The following C5 variants were observed in gnomAD, a reference collection of about 807,000 sequenced individuals.
C5 encodes the protein C3 and PZP-like alpha-2-macroglobulin domain-containing protein 4.
C5 carries 140 observed loss-of-function variants against 218.8 expected under a neutral mutation model. The observed-to-expected ratio is 0.64, with a 90% CI of 0.56 to 0.74. The LOEUF (loss-of-function observed/expected upper bound fraction) is 0.74. Ranked by LOEUF, C5 falls within the 30% of genes least tolerant of loss-of-function variation. The pLI, the probability that C5 is intolerant of heterozygous loss-of-function variation, is 0.00. For missense variants in C5, 1,700 were observed against 1,969.6 expected, an observed-to-expected ratio of 0.86 and a Z score of 2.59; for synonymous variants, 614 against 682.3, an observed-to-expected ratio of 0.90 and a Z score of 1.56.
At chr9:121,021,803 A>AT (rs1278654534) in intron 10 of C5, 109 bp from the exon 11 acceptor site, 11 of 1,098,064 alleles carry the variant, frequency 1.0e-5, no homozygotes, top group Non-Finnish European at 1.5e-5. Flanking sequence ...TTATTTATGT[A>AT]TTTTTTTCTG....
intron 5 of C5, 58 bp from the exon 6 acceptor site, chr9:121,032,253 G>A: frequency 1.0e-6 from 1 of 989,656 alleles, no homozygotes; most frequent in Non-Finnish European, 1.6e-6. Flanking sequence ...AATTCACTCA[G>A]AGGAGATCTA....
At chr9:121,015,852 T>C (rs1205232236) in intron 15 of C5, among the ~76,000 whole-genome samples, 1 of 152,326 alleles carries the variant, frequency 6.6e-6, no homozygotes, top group East Asian at 1.9e-4. Flanking sequence ...TTATAAATTC[T>C]ATGTGGGGAA....
intron 1 of C5, among the ~76,000 whole-genome samples, chr9:121,047,442 C>T (rs560644664): frequency 3.6e-4 from 55 of 152,206 alleles, no homozygotes; most frequent in African/African-American, 1.3e-3. Flanking sequence ...AACTGGATTA[C>T]TAAGTGTATA....
Position 121,023,389 on chromosome 9 carries a change from C to A in C5, c.1116+15G>T. On this transcript the variant is annotated intron_variant, in intron 10 of 40. Transcript: ENST00000223642. ...TGATCATATGTAGCAACGTCTACCC[C>A]CTCACCCAATCTACCTTGATGGGAT... The A allele has an allele frequency of 1.4e-6, 2 of 1,448,128 alleles. No individual in the cohort carries two copies. The highest frequency in any genetic ancestry group is 2.3e-5 in the East Asian group (1 of 44,070). 89.7% of individuals were successfully genotyped at this position (1,448,128 alleles called of 1,614,324 possible).
intron 20 of C5, among the ~76,000 whole-genome samples, chr9:121,002,801 G>A (rs192269062): frequency 1.6e-3 from 247 of 152,156 alleles, no homozygotes; most frequent in South Asian, 6.0e-3. Context: ...TAATGTAAAG[G>A]CAACTTTACA....
the C5 span, among the ~76,000 whole-genome samples, chr9:121,061,932 G>A: frequency 6.6e-6 from 1 of 152,188 alleles, no homozygotes; most frequent in Non-Finnish European, 1.5e-5. Context: ...AAAAGAAACT[G>A]TGAATTATCC....
chr9:120,967,401 A>G (rs2131676875), intron 33 of C5, among the ~76,000 whole-genome samples: 1 of 152,240 alleles, frequency 6.6e-6, no homozygotes, highest in South Asian at 2.1e-4. Context: ...CTTCATTTCC[A>G]AAACAAGAGG....
At chr9:121,034,940 A>T (rs530961460) in intron 4 of C5, 46 bp from the exon 5 acceptor site, 9 of 943,898 alleles carry the variant, frequency 9.5e-6, no homozygotes, top group Admixed American at 3.9e-5. Flanking sequence ...ACTACATTTT[A>T]AAAAATTTAA....
At chr9:120,958,254 A>G (rs1365216535) in intron 38 of C5, among the ~76,000 whole-genome samples, 1 of 152,232 alleles carries the variant, frequency 6.6e-6, no homozygotes, top group African/African-American at 2.4e-5. Flanking sequence ...TATAATGGAC[A>G]TGGGCAATGT....
In C5 at chr9:121,008,524, A is replaced by G. The variant is rs747968431; in HGVS notation, c.2258-26T>C. 2.7e-6 allele frequency: 4 copies of G among 1,497,824 alleles called. No homozygotes were observed. The African/African-American group carries it at 4.1e-5, about 15-fold the overall frequency. The allele number at this position is 1,497,824 out of a possible 1,614,324, so 92.8% of individuals were successfully genotyped here. ...CTGGACAAAAAAATCATATTCAATT[A>G]TGGAAAAACAATATAAATTCTACTT... is the stretch of plus-strand genomic sequence containing the variant. On this transcript the variant is annotated intron_variant, in intron 17 of 40. Coordinates refer to ENST00000223642, the MANE Select transcript of C5 (RefSeq NM_001735.3).
chr9:121,019,052 G>A (rs1025364389), intron 12 of C5, among the ~76,000 whole-genome samples: 6 of 151,516 alleles, frequency 4.0e-5, no homozygotes, highest in Middle Eastern at 6.9e-3. Flanking sequence ...TTGTTTCACC[G>A]ATTAAAAAAA....
At position 120,981,938 on chromosome 9, in the gene C5, C is replaced by T. The variant is rs1208003552; in HGVS notation, c.3392G>A (p.Gly1131Asp). The change falls in exon 27 of 41, where the codon GGT (glycine) becomes GAT (aspartate). Residue 1131 changes from glycine (G) to aspartate (D), a missense_variant and splice_region_variant. Coordinates refer to ENST00000223642, the MANE Select transcript of C5 (RefSeq NM_001735.3). ...NSQYQPIKLQ[G>D]TLPVEARENS... ...CTCTCGGGCTTCAACAGGCAAGGTA[C>T]CCTAAAAAGAAGCAATGTTTTAAAA... 1 of 1,609,566 alleles carries T rather than the reference C, an allele frequency of 6.2e-7. No individual in the cohort carries two copies.
At chr9:121,040,736 G>T (rs1172561046) in intron 3 of C5, among the ~76,000 whole-genome samples, 3 of 152,110 alleles carry the variant, frequency 2.0e-5, no homozygotes, top group Non-Finnish European at 2.9e-5. Flanking sequence ...AGTGAGGAAA[G>T]TGGGAGTCTG....
chr9:121,045,835 G>T (rs1408364024), intron 2 of C5, among the ~76,000 whole-genome samples: 1 of 152,028 alleles, frequency 6.6e-6, no homozygotes, highest in Non-Finnish European at 1.5e-5. Flanking sequence ...TGTGGGCAAT[G>T]TACTACAGAT....
intron 17 of C5, among the ~76,000 whole-genome samples, chr9:121,009,250 A>C (rs916329860): frequency 1.3e-5 from 2 of 152,278 alleles, no homozygotes; most frequent in Non-Finnish European, 2.9e-5. Flanking sequence ...CCTTAATAGA[A>C]AACAAAACAT....
At chr9:121,049,756 G>A (rs536640772) in intron 1 of C5, among the ~76,000 whole-genome samples, 9 of 152,262 alleles carry the variant, frequency 5.9e-5, no homozygotes, top group East Asian at 1.9e-4. Flanking sequence ...GCTCATAAAT[G>A]TATGGTAGAA....
At chr9:121,030,725 G>A (rs2047467296) in intron 6 of C5, among the ~76,000 whole-genome samples, 1 of 152,150 alleles carries the variant, frequency 6.6e-6, no homozygotes, top group Non-Finnish European at 1.5e-5. Context: ...TTTGATTACA[G>A]CATTTATTAT....
the C5 span, among the ~76,000 whole-genome samples, chr9:121,057,564 T>C: frequency 6.6e-6 from 1 of 152,112 alleles, no homozygotes; most frequent in Non-Finnish European, 1.5e-5. Context: ...AAGTCTAAAA[T>C]AATTGTTTAT....
rs765216720 is a variant in C5, at chr9:120,962,785, C to A, written c.4399-9G>T. The A allele has an allele frequency of 7.4e-6, 12 of 1,611,100 alleles. No individual in the cohort carries two copies. The highest frequency in any genetic ancestry group is 9.3e-6 in the Non-Finnish European group (11 of 1,177,414). ...AAATCACTGGAGGGAATCTGTTTAA[C>A]AAATTCAAGGATTTAAGGAAATTAT... On this transcript the variant is annotated splice_polypyrimidine_tract_variant and intron_variant, in intron 35 of 40. Coordinates refer to ENST00000223642, the MANE Select transcript of C5 (RefSeq NM_001735.3).
Sources: allele counts gnomAD v4.1 joint callset (sites outside exome capture counted in the v4.1 genomes callset), GRCh38; gene constraint gnomAD v4.1.1; transcripts MANE v1.5; gene names NCBI Gene and HGNC (gene_info 2026-07-23, HGNC 2026-07-21).